The following KIRREL3 variants were observed in gnomAD, a reference collection of about 807,000 sequenced individuals.
KIRREL3 encodes kin of IRRE-like protein 3.
KIRREL3 carries 36 observed loss-of-function variants against 89.7 expected under a neutral mutation model. That is an observed-to-expected ratio of 0.40 (90% CI 0.31 to 0.53). The LOEUF (loss-of-function observed/expected upper bound fraction) is 0.53. KIRREL3 is among the 20% of genes least tolerant of loss of function. The pLI is 0.49. For missense variants in KIRREL3, 864 were observed against 1,056.6 expected (o/e 0.82, Z 2.53); for synonymous variants, 445 against 441.4 (o/e 1.01, Z -0.10).
At chr11:126,839,749 T>C (rs181526825) in intron 1 of KIRREL3, among the ~76,000 whole-genome samples, 33 of 152,344 alleles carry the variant, frequency 2.2e-4, no homozygotes, top group African/African-American at 7.9e-4. Flanking sequence ...CTGTACAATT[T>C]GCATGCTTCG....
rs1950366538 is a variant in KIRREL3, at chr11:126,782,734, A to G, written c.55+217721T>C. Among the ~76,000 whole-genome samples the G allele has an allele frequency of 6.6e-6, 1 of 152,192 alleles. No homozygotes were observed. The highest frequency in any genetic ancestry group is 2.4e-5 in the African/African-American group (1 of 41,428). ...GTGTTGGAGACATCAGTATGAACTTATATTTAGCTTAATATAGATATAGAT... is the reference window on the plus strand; with the variant it reads ...GTGTTGGAGACATCAGTATGAACTTGTATTTAGCTTAATATAGATATAGAT... On this transcript the variant is annotated intron_variant, in intron 1 of 16. Transcript: ENST00000525144. This position sits in a 1 kb window ranked among gnomAD's most constrained non-coding sequence, Gnocchi z 4.1.
chr11:126,863,634 CGTGT>C (rs4054986), intron 1 of KIRREL3, among the ~76,000 whole-genome samples: 13 of 123,270 alleles, frequency 1.1e-4, no homozygotes, highest in Admixed American at 2.3e-4. Flanking sequence ...TGTTTGAGTG[CGTGT>C]GTGTGTGTTT....
chr11:126,968,884 A>C (rs1254152197), intron 1 of KIRREL3, among the ~76,000 whole-genome samples: 1 of 152,132 alleles, frequency 6.6e-6, no homozygotes, highest in African/African-American at 2.4e-5. Context: ...CTCTAGGAAA[A>C]GGACTGTACC....
chr11:126,638,434 G>A (rs1429605232), intron 1 of KIRREL3, among the ~76,000 whole-genome samples: 2 of 152,204 alleles, frequency 1.3e-5, no homozygotes, highest in African/African-American at 4.8e-5. Flanking sequence ...CAGTCCTCTT[G>A]CTGAGCTAAA....
chr11:126,725,125 T>G (rs763855188), intron 1 of KIRREL3, among the ~76,000 whole-genome samples: 1 of 152,096 alleles, frequency 6.6e-6, no homozygotes, highest in Non-Finnish European at 1.5e-5. Flanking sequence ...AGGCAGGACA[T>G]TAGGGGTTAT....
At chr11:126,680,150 G>C (rs983888739) in intron 1 of KIRREL3, among the ~76,000 whole-genome samples, 1 of 152,102 alleles carries the variant, frequency 6.6e-6, no homozygotes, top group Non-Finnish European at 1.5e-5. Context: ...CTAATTCCTG[G>C]AGGTGCCTAG....
chr11:126,483,160 A>G (rs958015729), intron 4 of KIRREL3, among the ~76,000 whole-genome samples: 1 of 152,216 alleles, frequency 6.6e-6, no homozygotes, highest in African/African-American at 2.4e-5. Flanking sequence ...CAGGAACTCA[A>G]AGAGGAATGC....
chr11:126,965,051 G>C lies in KIRREL3; in HGVS notation c.55+35404C>G, dbSNP rs113118772. On this transcript the variant is annotated intron_variant, in intron 1 of 16. Transcript: ENST00000525144. This position sits in a 1 kb window ranked among gnomAD's most constrained non-coding sequence, Gnocchi z 4.4. The stretch of plus-strand genomic sequence containing the variant: ...AAAGTGTTGTACTCCCAACTCAACA[G>C]ATGGGATATTAGAGCCAAGAAAAAG... Among the ~76,000 whole-genome samples the C allele has an allele frequency of 1.3e-3, 203 of 152,282 alleles. 2 individuals carry two copies. Among genetic ancestry groups the C allele is most frequent in the African/African-American group, 4.5e-3 (188 of 41,566 alleles).
At position 126,522,677 on chromosome 11, in the gene KIRREL3, G is replaced by A. The variant is rs1416197628; in HGVS notation, c.284-1213C>T. 6.6e-6 allele frequency among the ~76,000 whole-genome samples: 1 copy of A among 152,188 alleles called. No homozygotes were observed. The highest frequency in any genetic ancestry group is 1.5e-5 in the Non-Finnish European group (1 of 68,040). On this transcript the variant is annotated intron_variant, in intron 3 of 16. Coordinates refer to ENST00000525144, the MANE Select transcript of KIRREL3 (RefSeq NM_032531.4). The surrounding 1 kb of genome is among the most constrained non-coding windows in gnomAD (Gnocchi z 6.0). ...GCAGATCCTCTCTTTCCTGGGTCTCGGGCCCTACACCTCCCTATTTCTCTT... is the reference window on the plus strand; with the variant it reads ...GCAGATCCTCTCTTTCCTGGGTCTCAGGCCCTACACCTCCCTATTTCTCTT...
At position 126,985,593 on chromosome 11, in the gene KIRREL3, C is replaced by T. The variant is rs1357150186; in HGVS notation, c.55+14862G>A. 6.6e-6 allele frequency among the ~76,000 whole-genome samples: 1 copy of T among 152,050 alleles called. No homozygotes were observed. The highest frequency in any genetic ancestry group is 1.5e-5 in the Non-Finnish European group (1 of 68,020). The stretch of plus-strand genomic sequence containing the variant: ...ACTAACCTGGGGGAGAGGAGACGGC[C>T]ACTCCAGAGGGACAGGAGGCACGAG... On this transcript the variant is annotated intron_variant, in intron 1 of 16. Transcript: ENST00000525144. The surrounding 1 kb of genome is among the most constrained non-coding windows in gnomAD (Gnocchi z 5.3).
rs1213807299 is a variant in KIRREL3, at chr11:126,641,635, C to G, written c.56-78723G>C. ...TCCTGGCTTCTTATGGGGATAGTGG[C>G]TGCATCATGTCCCACTGCACCCTTG... On this transcript the variant is annotated intron_variant, in intron 1 of 16. Transcript: ENST00000525144. The surrounding 1 kb of genome is among the most constrained non-coding windows in gnomAD (Gnocchi z 5.0). Among the ~76,000 whole-genome samples the G allele has an allele frequency of 3.3e-5, 5 of 152,168 alleles. No individual in the cohort carries two copies. The highest frequency in any genetic ancestry group is 5.9e-5 in the Non-Finnish European group (4 of 68,032).
At chr11:126,581,840 C>T (rs1941568492) in intron 1 of KIRREL3, among the ~76,000 whole-genome samples, 1 of 152,142 alleles carries the variant, frequency 6.6e-6, no homozygotes, top group Non-Finnish European at 1.5e-5. Context: ...CTCTGCTGTC[C>T]TGACGTGGCA....
chr11:126,815,680 G>C (rs557560830), intron 1 of KIRREL3, among the ~76,000 whole-genome samples: 78 of 152,086 alleles, frequency 5.1e-4, no homozygotes, highest in East Asian at 4.7e-3. Flanking sequence ...ACTACAGGCA[G>C]CCGCCACCAC....
chr11:126,676,601 T>A lies in KIRREL3; in HGVS notation c.56-113689A>T, dbSNP rs1946200160. Among the ~76,000 whole-genome samples, 1 of 152,124 alleles carries A rather than the reference T, an allele frequency of 6.6e-6. No homozygotes were observed. The highest frequency in any genetic ancestry group is 1.5e-5 in the Non-Finnish European group (1 of 68,022). Reference sequence around the variant, plus strand: ...TGTGAATACGTATTCTGAGGGGTCTTTGAGTTCTCAAGTTCAGGAAACTCA... The same window carrying A: ...TGTGAATACGTATTCTGAGGGGTCTATGAGTTCTCAAGTTCAGGAAACTCA... On this transcript the variant is annotated intron_variant, in intron 1 of 16. Coordinates refer to ENST00000525144, the MANE Select transcript of KIRREL3 (RefSeq NM_032531.4). The surrounding 1 kb of genome is among the most constrained non-coding windows in gnomAD (Gnocchi z 4.5).
intron 1 of KIRREL3, among the ~76,000 whole-genome samples, chr11:126,598,959 G>A (rs991985314): frequency 6.6e-6 from 1 of 152,186 alleles, no homozygotes; most frequent in African/African-American, 2.4e-5. Context: ...CCCTCCCATT[G>A]TTTGGCCAGA....
At chr11:126,649,085 G>A (rs4937169) in intron 1 of KIRREL3, among the ~76,000 whole-genome samples, 2 of 151,952 alleles carry the variant, frequency 1.3e-5, no homozygotes, top group Non-Finnish European at 2.9e-5. Context: ...AAGTGAAAAC[G>A]CCTGATATAA....
At chr11:126,793,254 CGGGGCTTTCTTGTTGTATTCACT>C (rs1950702724) in intron 1 of KIRREL3, among the ~76,000 whole-genome samples, 1 of 152,080 alleles carries the variant, frequency 6.6e-6, no homozygotes, top group Non-Finnish European at 1.5e-5. Flanking sequence ...CCACAGTGCA[CGGGGCTTTCTTGTTGTATTCACT>C]GGGGACCATG....
In KIRREL3 at chr11:126,439,548, G is replaced by A. The variant is rs553810888; in HGVS notation, c.1353+901C>T. Among the ~76,000 whole-genome samples the A allele has an allele frequency of 1.8e-3, 277 of 150,938 alleles. 1 individual carries two copies. Among genetic ancestry groups the A allele is most frequent in the African/African-American group, 6.3e-3 (261 of 41,138 alleles). On this transcript the variant is annotated intron_variant, in intron 11 of 16. Transcript: ENST00000525144. The stretch of plus-strand genomic sequence containing the variant: ...AATGCAGATACTGGCTGGGCATGGT[G>A]GCTCACGCCTGTAATCCCAGCACTT...
rs1044593030 is a variant in KIRREL3, at chr11:126,817,358, A to T, written c.55+183097T>A. On this transcript the variant is annotated intron_variant, in intron 1 of 16. Transcript: ENST00000525144. This position sits in a 1 kb window ranked among gnomAD's most constrained non-coding sequence, Gnocchi z 5.7. ...GAAAATGGTGGTGATGATGACAGCCAGTCAACAGAAGCTGATGGTGACTTA... is the reference window on the plus strand; with the variant it reads ...GAAAATGGTGGTGATGATGACAGCCTGTCAACAGAAGCTGATGGTGACTTA... Among the ~76,000 whole-genome samples, 1 of 152,220 alleles carries T rather than the reference A, an allele frequency of 6.6e-6. No homozygotes were observed. The highest frequency in any genetic ancestry group is 1.5e-5 in the Non-Finnish European group (1 of 68,038).
Sources: allele counts gnomAD v4.1 joint callset (sites outside exome capture counted in the v4.1 genomes callset), GRCh38; gene constraint gnomAD v4.1.1; non-coding constraint Gnocchi (gnomAD v3.1); transcripts MANE v1.5; gene names NCBI Gene and HGNC (gene_info 2026-07-23, HGNC 2026-07-21).